Variants in KIF6 observed in about 807,000 individuals in gnomAD.
KIF6 encodes the protein kinesin-like protein KIF6.
KIF6 carries 106 observed loss-of-function variants against 112.7 expected under a neutral mutation model. The observed-to-expected ratio is 0.94, with a 90% CI of 0.80 to 1.11. The LOEUF (loss-of-function observed/expected upper bound fraction) is 1.11, where lower values mean the gene tolerates loss of function less well. KIF6 is among the 50% of genes least tolerant of loss of function. KIF6 has a pLI of 0.00. For synonymous variants in KIF6, 339 were observed against 339.9 expected (o/e 1.00, Z 0.03); for missense variants, 929 against 964.0 (o/e 0.96, Z 0.48).
intron 6 of KIF6, among the ~76,000 whole-genome samples, chr6:39,611,460 G>A (rs1783210647): frequency 6.6e-6 from 1 of 152,154 alleles, no homozygotes; most frequent in South Asian, 2.1e-4. Context: ...CTTTGAAAGA[G>A]CAAATGGCCA....
At chr6:39,641,977 C>T (rs116764146) in intron 3 of KIF6, among the ~76,000 whole-genome samples, 1,832 of 152,120 alleles carry the variant, frequency 0.012, 17 homozygotes, top group Non-Finnish European at 0.021. Flanking sequence ...TTATTTATTA[C>T]GTTGCTACAA....
At chr6:39,608,897 T>C (rs182268108) in intron 6 of KIF6, among the ~76,000 whole-genome samples, 1 of 152,206 alleles carries the variant, frequency 6.6e-6, no homozygotes, top group Non-Finnish European at 1.5e-5. Flanking sequence ...AGTTGCCAGG[T>C]GCTGAGAGAA....
chr6:39,670,112 G>A (rs985125791), intron 3 of KIF6, among the ~76,000 whole-genome samples: 2 of 152,190 alleles, frequency 1.3e-5, no homozygotes, highest in Admixed American at 6.5e-5. Flanking sequence ...TTCCATGACA[G>A]CATGTGGCTA....
At chr6:39,407,811 A>T (rs1284292001) in intron 15 of KIF6, among the ~76,000 whole-genome samples, 1 of 152,214 alleles carries the variant, frequency 6.6e-6, no homozygotes, top group Non-Finnish European at 1.5e-5. Flanking sequence ...TTTGATCTGG[A>T]CATGTTTTTA....
intron 5 of KIF6, among the ~76,000 whole-genome samples, 180 bp from the exon 6 acceptor site, chr6:39,613,498 C>T (rs766895754): frequency 3.9e-5 from 6 of 152,178 alleles, no homozygotes; most frequent in Admixed American, 6.5e-5. Context: ...CTTCACAGTA[C>T]TATCAAATAG....
intron 11 of KIF6, 124 bp downstream of exon 11, chr6:39,545,459 C>A: frequency 3.2e-6 from 2 of 622,718 alleles, no homozygotes; most frequent in South Asian, 4.1e-5. Context: ...ATTCAAAGAT[C>A]GTACCATTTT....
chr6:39,579,293 CA>C (rs1781156618), intron 9 of KIF6, among the ~76,000 whole-genome samples: 1 of 152,090 alleles, frequency 6.6e-6, no homozygotes, highest in African/African-American at 2.4e-5. Context: ...AATGATATCT[CA>C]TTTTAGTTCT....
At chr6:39,480,189 G>A (rs950245857) in intron 13 of KIF6, among the ~76,000 whole-genome samples, 1 of 152,118 alleles carries the variant, frequency 6.6e-6, no homozygotes, top group Non-Finnish European at 1.5e-5. Flanking sequence ...CTGTGGGTTT[G>A]TCATGGATGG....
intron 6 of KIF6, among the ~76,000 whole-genome samples, chr6:39,611,711 A>T (rs1022078069): frequency 6.6e-6 from 1 of 152,162 alleles, no homozygotes; most frequent in Admixed American, 6.5e-5. Flanking sequence ...ACCCATTTCT[A>T]TTCTGTATCT....
intron 15 of KIF6, among the ~76,000 whole-genome samples, chr6:39,397,641 A>G (rs1347326562): frequency 1.3e-5 from 2 of 152,148 alleles, no homozygotes; most frequent in African/African-American, 4.8e-5. Context: ...GGGATAATGC[A>G]TAATAAGGAA....
rs1314440054 is a variant in KIF6, at chr6:39,595,996, T to C, written c.846+58A>G. On this transcript the variant is annotated intron_variant, in intron 7 of 22. Transcript: ENST00000287152. ...TTCTAATAGAATGCCTGATACATAG[T>C]ATGTGGTCAACACATGGTAGCTATA... 4 of 1,317,246 alleles carry C rather than the reference T, an allele frequency of 3.0e-6. No individual in the cohort carries two copies. The African/African-American group carries it at 4.3e-5, about 14-fold the overall frequency. 81.6% of individuals were successfully genotyped at this position (1,317,246 alleles called of 1,614,324 possible).
chr6:39,572,672 T>C (rs951205722), intron 10 of KIF6, among the ~76,000 whole-genome samples: 1 of 147,662 alleles, frequency 6.8e-6, no homozygotes, highest in Non-Finnish European at 1.5e-5. Flanking sequence ...TTTTTTTTTT[T>C]TTTTTTTTTA....
chr6:39,343,607 A>G lies in KIF6; in HGVS notation c.2428+102T>C, dbSNP rs1477958007. On this transcript the variant is annotated intron_variant, in intron 22 of 22. Transcript: ENST00000287152. The surrounding 1 kb of genome is among the most constrained non-coding windows in gnomAD (Gnocchi z 4.1). The stretch of plus-strand genomic sequence containing the variant: ...GCAGGCCAGTCCTGTGGCTTCAGGA[A>G]TATGCAGGAAACTCCCTACTCCCCT... 2 of 1,140,112 alleles carry G rather than the reference A, an allele frequency of 1.8e-6. No homozygotes were observed. The highest frequency in any genetic ancestry group is 3.1e-5 in the African/African-American group (2 of 64,356). 70.6% of individuals were successfully genotyped at this position (1,140,112 alleles called of 1,614,324 possible).
intron 3 of KIF6, among the ~76,000 whole-genome samples, chr6:39,648,807 T>C (rs1785312020): frequency 6.6e-6 from 1 of 152,132 alleles, no homozygotes; most frequent in Non-Finnish European, 1.5e-5. Context: ...CCTGGAGGTG[T>C]ACAATATAGA....
At position 39,357,252 on chromosome 6, in the gene KIF6, C is replaced by A. The variant is rs768333480; in HGVS notation, c.2180+25G>T. 5.3e-6 allele frequency: 8 copies of A among 1,511,696 alleles called. No homozygotes were observed. The African/African-American group carries it at 1.1e-4, about 21-fold the overall frequency. The allele number at this position is 1,511,696 out of a possible 1,614,324, so 93.6% of individuals were successfully genotyped here. A position where few individuals can be genotyped will look rare whatever the true frequency, so the allele number is the denominator to read the frequency against. On this transcript the variant is annotated intron_variant, in intron 19 of 22. Coordinates refer to ENST00000287152, the MANE Select transcript of KIF6 (RefSeq NM_145027.6). ...AGGGAGCCTTTTCTGGGAACTCTAA[C>A]ACCTCCGGTGAGTTCTCACCTTACC...
At chr6:39,547,762 C>A (rs903826591) in intron 10 of KIF6, among the ~76,000 whole-genome samples, 1 of 152,138 alleles carries the variant, frequency 6.6e-6, no homozygotes, top group African/African-American at 2.4e-5. Flanking sequence ...GGCAGATGAG[C>A]TTTTCCATCA....
At chr6:39,382,483 C>T (rs1460223879) in intron 16 of KIF6, among the ~76,000 whole-genome samples, 5 of 152,018 alleles carry the variant, frequency 3.3e-5, no homozygotes, top group Admixed American at 6.5e-5. Context: ...TTCATGTTGC[C>T]GCAAAGGATG....
chr6:39,671,568 G>A (rs1044830240), intron 3 of KIF6, among the ~76,000 whole-genome samples: 11 of 152,118 alleles, frequency 7.2e-5, no homozygotes, highest in African/African-American at 2.7e-4. Flanking sequence ...TGTCATTCCT[G>A]TTCAGCTCAT....
intron 15 of KIF6, among the ~76,000 whole-genome samples, chr6:39,390,031 CAAAAAAA>C (rs943420819): frequency 2.3e-5 from 1 of 43,558 alleles, no homozygotes; most frequent in South Asian, 7.6e-4. Context: ...ACTCTGTCTC[CAAAAAAA>C]AAAAAAAAAA....
Sources: gnomAD v4.1 joint callset for allele counts (sites outside exome capture counted in the v4.1 genomes callset) on GRCh38, gnomAD v4.1.1 for gene constraint, Gnocchi (gnomAD v3.1) non-coding constraint, MANE v1.5 for transcripts, NCBI Gene and HGNC (gene_info 2026-07-23, HGNC 2026-07-21) for gene names.